TRPM7: variants seen among roughly 807,000 people sequenced by gnomAD.
TRPM7 encodes transient receptor potential cation channel subfamily M member 7, also known as LTRPC ion channel family member 7.
A neutral mutation model predicts 229.7 loss-of-function variants in TRPM7; 134 were observed. That is an observed-to-expected ratio of 0.58 (90% CI 0.51 to 0.67). The LOEUF (loss-of-function observed/expected upper bound fraction) is 0.67. TRPM7 is among the 30% of genes least tolerant of loss of function. The probability of loss-of-function intolerance (pLI) is 0.00; values close to 1 mark genes in which losing one functional copy is unlikely to be tolerated. For synonymous variants in TRPM7, 699 were observed against 715.2 expected, an observed-to-expected ratio of 0.98 and a Z score of 0.36; for missense variants, 1,901 against 2,210.0, an observed-to-expected ratio of 0.86 and a Z score of 2.80.
chr15:50,658,005 ATT>A (rs529961423), intron 2 of TRPM7, among the ~76,000 whole-genome samples, 186 bp from the exon 3 acceptor site: 10 of 139,254 alleles, frequency 7.2e-5, no homozygotes, highest in African/African-American at 5.2e-5. Context: ...GACAGTCTCA[ATT>A]TTTTTTTTTT....
At chr15:50,629,313 T>C (rs2060655900) in intron 10 of TRPM7, among the ~76,000 whole-genome samples, 1 of 149,616 alleles carries the variant, frequency 6.7e-6, no homozygotes, top group South Asian at 2.1e-4. Context: ...CTCCCTGTTG[T>C]CCAGGCTGGA....
intron 1 of TRPM7, among the ~76,000 whole-genome samples, chr15:50,683,386 C>A (rs1407194318): frequency 2.0e-5 from 3 of 151,844 alleles, no homozygotes; most frequent in Non-Finnish European, 4.4e-5. Context: ...AACTTCACAA[C>A]TGAGAGATCA....
intron 28 of TRPM7, among the ~76,000 whole-genome samples, chr15:50,585,800 C>G (rs184388251): frequency 6.6e-6 from 1 of 152,008 alleles, no homozygotes; most frequent in Non-Finnish European, 1.5e-5. Context: ...ATAATCTTGA[C>G]TTATAAAAAA....
chr15:50,606,059 C>T (rs1472258906), intron 20 of TRPM7, among the ~76,000 whole-genome samples: 2 of 152,074 alleles, frequency 1.3e-5, no homozygotes, highest in Admixed American at 1.3e-4. Flanking sequence ...TGAAATAATT[C>T]AGAGGTACTT....
chr15:50,644,873 G>A (rs115848285), intron 4 of TRPM7, among the ~76,000 whole-genome samples: 1,975 of 151,364 alleles, frequency 0.013, 39 homozygotes, highest in African/African-American at 0.046. Context: ...GTAGAAGACT[G>A]GAGTCCCTTA....
In TRPM7 at chr15:50,599,130, T is replaced by C. The variant is rs745614063; in HGVS notation, c.3155A>G (p.Glu1052Gly). 2 of 1,598,116 alleles carry C rather than the reference T, an allele frequency of 1.3e-6. No homozygotes were observed. The highest frequency in any genetic ancestry group is 1.7e-6 in the Non-Finnish European group (2 of 1,173,686). Residue 1052 changes from glutamate to glycine, a missense_variant, in exon 22 of 39, where the codon GAA becomes GGA. Glu to Gly is a moderately conservative substitution (Grantham distance 98, BLOSUM62 -2). This residue lies in a region of TRPM7 where 89 missense variants were observed against 178.2 expected (regional missense o/e 0.50). Transcript: ENST00000646667. Reference protein sequence around the residue: ...WMIFGEVYAYEIDVCANDSVI... With the variant: ...WMIFGEVYAYGIDVCANDSVI... Reference sequence around the variant, plus strand: ...AAATATACAATTCTTACCATCAATTTCGTATGCATAAACTTCACCAAAAAT... The same window carrying C: ...AAATATACAATTCTTACCATCAATTCCGTATGCATAAACTTCACCAAAAAT...
chr15:50,677,760 A>AAC (rs57844701), intron 1 of TRPM7, among the ~76,000 whole-genome samples: 1 of 135,372 alleles, frequency 7.4e-6, no homozygotes, highest in Non-Finnish European at 1.6e-5. Flanking sequence ...AAAAAAAAAA[A>AAC]CAAAAGGTAA....
intron 16 of TRPM7, among the ~76,000 whole-genome samples, chr15:50,611,673 G>A (rs200826815): frequency 1.3e-5 from 2 of 152,260 alleles, no homozygotes; most frequent in East Asian, 3.9e-4. Flanking sequence ...TTGGTACCTG[G>A]TAGAGAGGAA....
chr15:50,637,952 C>A (rs1226716226), intron 6 of TRPM7, among the ~76,000 whole-genome samples: 2 of 152,192 alleles, frequency 1.3e-5, no homozygotes, highest in Non-Finnish European at 2.9e-5. Flanking sequence ...CACAGTGGCT[C>A]ATGCATGTGA....
chr15:50,648,282 A>T (rs906842089), intron 4 of TRPM7, among the ~76,000 whole-genome samples: 2 of 152,198 alleles, frequency 1.3e-5, no homozygotes, highest in African/African-American at 2.4e-5. Context: ...AAATAATACA[A>T]GAAAAAAAAC....
chr15:50,567,679 C>T (rs920987687), intron 38 of TRPM7, among the ~76,000 whole-genome samples: 5 of 151,804 alleles, frequency 3.3e-5, no homozygotes, highest in African/African-American at 9.7e-5. Context: ...AAAAATCAAT[C>T]GATGTAATAC....
At chr15:50,589,319 C>CAAAAAAAAAAAAAAAAAA in intron 27 of TRPM7, among the ~76,000 whole-genome samples, 1 of 81,616 alleles carries the variant, frequency 1.2e-5, no homozygotes, top group Non-Finnish European at 2.4e-5. Flanking sequence ...GACTCCGTCT[C>CAAAAAAAAAAAAAAAAAA]AAAAAAAAAA....
At chr15:50,607,115 C>CG in intron 20 of TRPM7, 85 bp downstream of exon 20, 2 of 1,240,876 alleles carry the variant, frequency 1.6e-6, no homozygotes, top group Non-Finnish European at 2.3e-6. Flanking sequence ...CACACACCCC[C>CG]CTACGTATAC....
intron 4 of TRPM7, among the ~76,000 whole-genome samples, chr15:50,643,892 T>G (rs1009846712): frequency 1.3e-5 from 2 of 152,016 alleles, no homozygotes; most frequent in African/African-American, 4.8e-5. Context: ...CACAGTGAGT[T>G]AGAAACATTA....
At chr15:50,575,227 G>C (rs1303278198) in intron 33 of TRPM7, 92 bp from the exon 34 acceptor site, 22 of 1,118,196 alleles carry the variant, frequency 2.0e-5, no homozygotes, top group Non-Finnish European at 2.3e-5. Flanking sequence ...TTTGATTAAG[G>C]AACAGAAGAT....
chr15:50,623,846 G>A (rs1307331368), intron 12 of TRPM7, among the ~76,000 whole-genome samples: 5 of 151,622 alleles, frequency 3.3e-5, no homozygotes, highest in African/African-American at 7.3e-5. Flanking sequence ...ATTAGACAAC[G>A]GAGTCAAAAG....
intron 13 of TRPM7, among the ~76,000 whole-genome samples, chr15:50,616,277 TC>T (rs1237259275): frequency 6.6e-6 from 1 of 152,236 alleles, no homozygotes; most frequent in African/African-American, 2.4e-5. Flanking sequence ...TAAAGATTTA[TC>T]ACTTATAGAA....
At chr15:50,583,060 A>G (rs1263443454) in intron 29 of TRPM7, 29 bp downstream of exon 29, 1 of 1,485,270 alleles carries the variant, frequency 6.7e-7, no homozygotes, top group East Asian at 2.3e-5. Flanking sequence ...ATTTAATAAT[A>G]TATATCTGTT....
chr15:50,669,544 T>A (rs566611462), intron 1 of TRPM7, among the ~76,000 whole-genome samples: 1 of 152,204 alleles, frequency 6.6e-6, no homozygotes, highest in African/African-American at 2.4e-5. Context: ...GCCTATATAA[T>A]TATTCTTGCT....
Sources: gnomAD v4.1 joint callset for allele counts (sites outside exome capture counted in the v4.1 genomes callset) on GRCh38, gnomAD v4.1.1 for gene constraint, gnomAD v4.1.1 regional missense constraint, MANE v1.5 for transcripts, NCBI Gene and HGNC (gene_info 2026-07-23, HGNC 2026-07-21) for gene names.